Variants in AFG2A observed in about 807,000 individuals in gnomAD.
AFG2A encodes AAA ATPase AFG2A.
At chr4:123,176,307 G>A in the AFG2A span, among the ~76,000 whole-genome samples, 1 of 152,112 alleles carries the variant, frequency 6.6e-6, no homozygotes, top group Non-Finnish European at 1.5e-5. Context: ...AATTGTTCAT[G>A]TTCAACAGAA....
chr4:123,212,682 A>T, the AFG2A span, among the ~76,000 whole-genome samples: 1 of 152,144 alleles, frequency 6.6e-6, no homozygotes, highest in Non-Finnish European at 1.5e-5. Flanking sequence ...TAGTTCCAAG[A>T]GATCATCTGT....
the AFG2A span, among the ~76,000 whole-genome samples, chr4:123,312,253 C>T: frequency 6.6e-6 from 1 of 152,018 alleles, no homozygotes; most frequent in African/African-American, 2.4e-5. Context: ...GCCAGGCTCT[C>T]TATTCTCTGA....
the AFG2A span, among the ~76,000 whole-genome samples, chr4:123,207,410 C>T: frequency 2.0e-5 from 3 of 151,234 alleles, no homozygotes; most frequent in East Asian, 2.0e-4. Context: ...GCCACCTGGA[C>T]GCAAGCCATC....
chr4:123,224,368 A>G, the AFG2A span, among the ~76,000 whole-genome samples: 7 of 140,710 alleles, frequency 5.0e-5, no homozygotes, highest in Non-Finnish European at 7.7e-5. Context: ...CCCTCCCCCC[A>G]TCCCACAACA....
chr4:123,004,138 C>T, the AFG2A span, among the ~76,000 whole-genome samples: 5,142 of 152,252 alleles, frequency 0.034, 154 homozygotes, highest in Non-Finnish European at 0.045. Context: ...TCTCCTGGTG[C>T]GCCGTTTCCT....
the AFG2A span, among the ~76,000 whole-genome samples, chr4:123,224,789 G>T: frequency 5.3e-5 from 8 of 152,264 alleles, no homozygotes; most frequent in South Asian, 1.7e-3. Context: ...TCACCACACT[G>T]ACTTCCACAA....
the AFG2A span, among the ~76,000 whole-genome samples, chr4:123,007,588 GTGTGTGTGTGTGTGTGTGTGTATA>G: frequency 0.28 from 2,407 of 8,570 alleles, 62 homozygotes; most frequent in Non-Finnish European, 0.38. Flanking sequence ...GTGTGTGTGT[GTGTGTGTGTGTGTGTGTGTGTATA>G]TATATATATA....
the AFG2A span, among the ~76,000 whole-genome samples, chr4:122,998,408 C>A: frequency 6.6e-6 from 1 of 151,704 alleles, no homozygotes; most frequent in African/African-American, 2.4e-5. Context: ...TGTGCTGCAC[C>A]CATTAACTCG....
the AFG2A span, among the ~76,000 whole-genome samples, chr4:122,973,094 A>G: frequency 1.9e-4 from 29 of 152,214 alleles, no homozygotes; most frequent in Middle Eastern, 3.4e-3. Context: ...GTTATCAGGC[A>G]TGTATTAATT....
At chr4:123,160,403 G>A in the AFG2A span, among the ~76,000 whole-genome samples, 1 of 152,084 alleles carries the variant, frequency 6.6e-6, no homozygotes, top group Admixed American at 6.5e-5. Context: ...TTTTACATCA[G>A]CTCATCCCTA....
chr4:123,269,898 C>T, the AFG2A span, among the ~76,000 whole-genome samples: 4 of 151,122 alleles, frequency 2.6e-5, no homozygotes, highest in African/African-American at 9.7e-5. Flanking sequence ...CTCACGGCAA[C>T]CTCTGCCTCC....
At chr4:123,196,502 A>G in the AFG2A span, among the ~76,000 whole-genome samples, 2 of 152,192 alleles carry the variant, frequency 1.3e-5, no homozygotes, top group Admixed American at 1.3e-4. Context: ...GTGATTTAAC[A>G]TAGTTTTTCT....
At chr4:123,020,153 C>T in the AFG2A span, among the ~76,000 whole-genome samples, 1 of 151,880 alleles carries the variant, frequency 6.6e-6, no homozygotes, top group Admixed American at 6.6e-5. Flanking sequence ...TAGTCTGCTT[C>T]CTTGTCCTCA....
At chr4:123,025,115 A>G in the AFG2A span, among the ~76,000 whole-genome samples, 1 of 152,250 alleles carries the variant, frequency 6.6e-6, no homozygotes, top group South Asian at 2.1e-4. Flanking sequence ...GTTTTCCAGA[A>G]TCCGGTAGAG....
chr4:122,977,977 C>G, the AFG2A span, among the ~76,000 whole-genome samples: 1 of 152,126 alleles, frequency 6.6e-6, no homozygotes, highest in Non-Finnish European at 1.5e-5. Context: ...GGTAGGTCAT[C>G]CTGATGAGTG....
chr4:123,147,708 A>G, the AFG2A span, among the ~76,000 whole-genome samples: 1 of 152,184 alleles, frequency 6.6e-6, no homozygotes, highest in Admixed American at 6.5e-5. Flanking sequence ...AATAGTTTAC[A>G]ATGTCTATAA....
chr4:123,086,695 AT>A, the AFG2A span, among the ~76,000 whole-genome samples: 15,892 of 148,734 alleles, frequency 0.11, 928 homozygotes, highest in Middle Eastern at 0.2. Flanking sequence ...TGGTTTTATT[AT>A]TTTTTTTTTA....
At chr4:123,060,075 C>T in the AFG2A span, among the ~76,000 whole-genome samples, 1 of 152,186 alleles carries the variant, frequency 6.6e-6, no homozygotes, top group African/African-American at 2.4e-5. Context: ...GCCTCACATC[C>T]AGGTCACACT....
At chr4:123,077,727 G>T in the AFG2A span, among the ~76,000 whole-genome samples, 1 of 152,176 alleles carries the variant, frequency 6.6e-6, no homozygotes, top group Non-Finnish European at 1.5e-5. Context: ...CCTGAGGGAG[G>T]TAGATGAATT....
Sources: gnomAD v4.1 joint callset for allele counts (sites outside exome capture counted in the v4.1 genomes callset) on GRCh38, gnomAD v4.1.1 for gene constraint, MANE v1.5 for transcripts, NCBI Gene and HGNC (gene_info 2026-07-23, HGNC 2026-07-21) for gene names.